Variants in DKK4 observed in about 807,000 individuals in gnomAD.
DKK4 encodes the protein dickkopf Wnt signaling pathway inhibitor 4.
A neutral mutation model predicts 14.5 loss-of-function variants in DKK4; 15 were observed. The ratio of observed to expected loss-of-function variants is 1.03; its 90% CI spans 0.69 to 1.59. DKK4 has a LOEUF of 1.59. DKK4 is among the 40% of genes most tolerant of loss of function. The pLI is 0.00. For missense variants in DKK4, 272 were observed against 280.3 expected (o/e 0.97, Z 0.21); for synonymous variants, 89 against 105.2 (o/e 0.85, Z 0.94).
chr8:42,383,634 T>G, the DKK4 span, among the ~76,000 whole-genome samples: 15 of 152,194 alleles, frequency 9.9e-5, no homozygotes, highest in Non-Finnish European at 2.1e-4. Context: ...GCTCTGCCAT[T>G]GTTTTGTTTT....
upstream of DKK4, among the ~76,000 whole-genome samples, chr8:42,380,864 G>A (rs1824666904): frequency 6.8e-6 from 1 of 146,934 alleles, no homozygotes; most frequent in Non-Finnish European, 1.5e-5. Context: ...AGGAAGGAGA[G>A]AGAAAGGAAG....
chr8:42,383,262 C>G, the DKK4 span, among the ~76,000 whole-genome samples: 2 of 152,190 alleles, frequency 1.3e-5, no homozygotes, highest in Non-Finnish European at 1.5e-5. Flanking sequence ...AAGGGCAGCA[C>G]CCAGGGACAG....
intron 1 of DKK4, 70 bp from the exon 2 acceptor site, chr8:42,375,900 G>C (rs113475841): frequency 5.1e-6 from 8 of 1,559,446 alleles, no homozygotes; most frequent in African/African-American, 1.4e-5. Flanking sequence ...TATTATTGAA[G>C]GCAGGAGGCG....
upstream of DKK4, among the ~76,000 whole-genome samples, chr8:42,378,256 A>T (rs114963225): frequency 9.1e-3 from 1,388 of 152,320 alleles, 26 homozygotes; most frequent in African/African-American, 0.032. Context: ...GTCATCTAAA[A>T]TGCATTTTTT....
intron 1 of DKK4, among the ~76,000 whole-genome samples, chr8:42,376,558 G>A (rs1380268030): frequency 6.6e-6 from 1 of 152,108 alleles, no homozygotes; most frequent in Non-Finnish European, 1.5e-5. Context: ...GCTTGGGTAA[G>A]CTCTTCAACA....
Position 42,377,222 on chromosome 8 carries a change from C to A in DKK4, c.-177G>T, listed in dbSNP as rs1824583188. ...AGTAAGGTGCGTGAAATCGGCTGAG[C>A]AAAGTCTGACCAGCAGGTTCCTCCT... On this transcript the variant is annotated 5_prime_UTR_variant, in exon 1 of 4. Coordinates refer to ENST00000220812, the MANE Select transcript of DKK4 (RefSeq NM_014420.3). 1 of 579,230 alleles carries A rather than the reference C, an allele frequency of 1.7e-6. No individual in the cohort carries two copies. Among genetic ancestry groups the A allele is most frequent in the African/African-American group, 1.9e-5 (1 of 53,636 alleles). 35.9% of individuals were successfully genotyped at this position (579,230 alleles called of 1,614,324 possible). A position where few individuals can be genotyped will look rare whatever the true frequency, so the allele number is the denominator to read the frequency against.
At chr8:42,375,498 C>CTCCGCCTCAGAAAA (rs1298190509) in intron 2 of DKK4, among the ~76,000 whole-genome samples, 182 bp downstream of exon 2, 1 of 142,448 alleles carries the variant, frequency 7.0e-6, no homozygotes, top group African/African-American at 2.6e-5. Context: ...CTGTGGACAA[C>CTCCGCCTCAGAAAA]AAGGGCGAAA....
chr8:42,389,870 T>A, the DKK4 span, among the ~76,000 whole-genome samples: 2 of 152,180 alleles, frequency 1.3e-5, no homozygotes, highest in Admixed American at 6.5e-5. Context: ...CATTTCTGCA[T>A]AACCAACGTA....
Position 42,374,822 on chromosome 8 carries a change from G to A in DKK4, c.354C>T (p.His118=). 1 of 1,614,154 alleles carries A rather than the reference G, an allele frequency of 6.2e-7. No homozygotes were observed. The highest frequency in any genetic ancestry group is 8.5e-7 in the Non-Finnish European group (1 of 1,180,022). ...DGTHAEGTTG[H]PVQENQPKRK... ...TTTTGGGTTGGTTTTCCTGGACTGG[G>A]TGCCCAGTTGTTCCTTCTGCATGTG... The change falls in exon 3 of 4, where the codon CAC becomes CAT. Residue 118 remains histidine, a synonymous_variant. Transcript: ENST00000220812.
chr8:42,382,475 G>T, the DKK4 span, among the ~76,000 whole-genome samples: 1 of 152,322 alleles, frequency 6.6e-6, no homozygotes. Flanking sequence ...TGCTTAAAGG[G>T]CATCCTCTTT....
intron 2 of DKK4, among the ~76,000 whole-genome samples, chr8:42,375,428 G>C (rs1228232534): frequency 6.6e-6 from 1 of 151,448 alleles, no homozygotes; most frequent in African/African-American, 2.4e-5. Context: ...TGTAGTCCTA[G>C]TTACTCCAGA....
chr8:42,384,579 C>T, the DKK4 span, among the ~76,000 whole-genome samples: 2,838 of 152,196 alleles, frequency 0.019, 80 homozygotes, highest in African/African-American at 0.065. Flanking sequence ...CCTTGAGTGT[C>T]GTCCAGGCCT....
chr8:42,375,562 A>T, intron 2 of DKK4, 118 bp downstream of exon 2: 1 of 1,277,334 alleles, frequency 7.8e-7, no homozygotes, highest in Non-Finnish European at 1.1e-6. Context: ...GCATACATTT[A>T]CTTCAAGCAT....
the DKK4 span, among the ~76,000 whole-genome samples, chr8:42,388,560 T>TTTAA: frequency 1.8e-3 from 278 of 151,736 alleles, 1 homozygote; most frequent in Middle Eastern, 0.01. Flanking sequence ...TCTTCTTTTA[T>TTTAA]TTAATTAATT....
At chr8:42,377,857 A>G (rs1824593293), upstream of DKK4, among the ~76,000 whole-genome samples, 1 of 152,216 alleles carries the variant, frequency 6.6e-6, no homozygotes, top group African/African-American at 2.4e-5. Context: ...GGTTATTAGG[A>G]AAATAATGTA....
upstream of DKK4, chr8:42,377,359 A>G (rs944453481): frequency 3.6e-6 from 1 of 275,726 alleles, no homozygotes; most frequent in African/African-American, 2.2e-5. Context: ...CAAAACAAGG[A>G]CTCAATAGAA....
At chr8:42,384,250 C>T in the DKK4 span, among the ~76,000 whole-genome samples, 1 of 152,190 alleles carries the variant, frequency 6.6e-6, no homozygotes, top group Non-Finnish European at 1.5e-5. Context: ...TAGCCTCAAA[C>T]TCCTGAGCTC....
In DKK4 at chr8:42,375,681, G is replaced by A. The variant is rs574070198; in HGVS notation, c.261C>T (p.Asn87=). The A allele has an allele frequency of 5.0e-6, 8 of 1,613,172 alleles. No individual in the cohort carries two copies. The highest frequency in any genetic ancestry group is 2.7e-5 in the African/African-American group (2 of 74,982). Residue 87 remains asparagine, a splice_region_variant and synonymous_variant, in exon 2 of 4, where the codon AAC becomes AAT. Coordinates refer to ENST00000220812, the MANE Select transcript of DKK4 (RefSeq NM_014420.3). ...CACTGTTGGCGTTATGTCGCTCACC[G>A]TTCACACAGAGTGTCCCAGGGCAGC... is the stretch of plus-strand genomic sequence containing the variant. ...AMCCPGTLCV[N]DVCTTMEDAT...
Position 42,374,321 on chromosome 8 carries a change from C to T in DKK4, c.454G>A (p.Gly152Ser). 6.2e-7 allele frequency: 1 copy of T among 1,613,798 alleles called. No homozygotes were observed. Among genetic ancestry groups the T allele is most frequent in the Non-Finnish European group, 8.5e-7 (1 of 1,179,962 alleles). The change falls in exon 4 of 4, where the codon GGC (glycine) becomes AGC (serine). Residue 152 changes from glycine to serine, a missense_variant. By Grantham distance (56) the Gly-to-Ser change is moderately conservative. Coordinates refer to ENST00000220812, the MANE Select transcript of DKK4 (RefSeq NM_014420.3). ...GESCLRTFDC[G>S]PGLCCARHFW... Reference sequence around the variant, plus strand: ...TGACGAGCACAGCAAAGTCCAGGGCCACAGTCAAAAGTTCTCAGACAACTT... The same window carrying T: ...TGACGAGCACAGCAAAGTCCAGGGCTACAGTCAAAAGTTCTCAGACAACTT...
Sources: gnomAD v4.1 joint callset for allele counts (sites outside exome capture counted in the v4.1 genomes callset) on GRCh38, gnomAD v4.1.1 for gene constraint, MANE v1.5 for transcripts, NCBI Gene and HGNC (gene_info 2026-07-23, HGNC 2026-07-21) for gene names.